The following WDR59 variants were observed in gnomAD, a reference collection of about 807,000 sequenced individuals.
The protein encoded by WDR59 is WD repeat domain 59, also known as GATOR2 complex protein WDR59.
A neutral mutation model predicts 131.2 loss-of-function variants in WDR59; 100 were observed. The ratio of observed to expected loss-of-function variants is 0.76; its 90% CI spans 0.65 to 0.90. WDR59 has a LOEUF of 0.90. Among genes scored for constraint, WDR59 ranks in the 40% least tolerant of loss-of-function variants. The pLI, the probability that WDR59 is intolerant of heterozygous loss-of-function variation, is 0.00. For synonymous variants in WDR59, 601 were observed against 466.2 expected (o/e 1.29, Z -3.72); for missense variants, 1,203 against 1,262.2 (o/e 0.95, Z 0.71).
Position 74,917,835 on chromosome 16 carries a change from G to A in WDR59, c.966+94C>T, listed in dbSNP as rs866569348. ...AAAAAAAAAAAAAAAAAAAAAAATT[G>A]TTTATCCTGTAACCTCTAATTTCCG... On this transcript the variant is annotated intron_variant, in intron 11 of 25. Coordinates refer to ENST00000262144, the MANE Select transcript of WDR59 (RefSeq NM_030581.4). 618 of 611,468 alleles carry A rather than the reference G, an allele frequency of 1.0e-3. 5 individuals are homozygous for A. The African/African-American group carries it at 0.011, about 11-fold the overall frequency. 37.9% of individuals were successfully genotyped at this position (611,468 alleles called of 1,614,324 possible). A position where few individuals can be genotyped will look rare whatever the true frequency, so the allele number is the denominator to read the frequency against.
chr16:74,899,093 G>A (rs937526108), intron 18 of WDR59, among the ~76,000 whole-genome samples: 3 of 152,186 alleles, frequency 2.0e-5, no homozygotes, highest in Non-Finnish European at 4.4e-5. Flanking sequence ...ACAGAAGAGG[G>A]GAAATGGCCA....
At chr16:74,961,998 T>C (rs894669150) in intron 2 of WDR59, among the ~76,000 whole-genome samples, 1 of 152,226 alleles carries the variant, frequency 6.6e-6, no homozygotes, top group African/African-American at 2.4e-5. Context: ...AGTTTCCATT[T>C]TCTGCATATG....
At chr16:74,953,003 C>G (rs1322531191) in intron 3 of WDR59, among the ~76,000 whole-genome samples, 1 of 152,020 alleles carries the variant, frequency 6.6e-6, no homozygotes, top group Non-Finnish European at 1.5e-5. Flanking sequence ...AGTGCCAGTC[C>G]ACCTTAACGA....
intron 2 of WDR59, among the ~76,000 whole-genome samples, chr16:74,965,167 G>A (rs982530545): frequency 2.0e-5 from 3 of 152,188 alleles, no homozygotes; most frequent in Non-Finnish European, 4.4e-5. Context: ...AGCTTCGCAA[G>A]TAGCTGGGAC....
At chr16:74,887,452 T>C (rs1964821293) in intron 23 of WDR59, among the ~76,000 whole-genome samples, 1 of 152,118 alleles carries the variant, frequency 6.6e-6, no homozygotes, top group Admixed American at 6.6e-5. Flanking sequence ...ATTGTCAGTT[T>C]CTCAAGGTTA....
chr16:74,973,697 A>ATT (rs1180211609), intron 1 of WDR59, among the ~76,000 whole-genome samples: 1 of 152,230 alleles, frequency 6.6e-6, no homozygotes, highest in Non-Finnish European at 1.5e-5. Flanking sequence ...TTCTCTTTTA[A>ATT]ATGAGAACAT....
chr16:74,975,321 A>G (rs1007319233), intron 1 of WDR59, among the ~76,000 whole-genome samples: 1 of 152,112 alleles, frequency 6.6e-6, no homozygotes, highest in East Asian at 1.9e-4. Flanking sequence ...ATATCGCGCC[A>G]CTGCACTCCA....
rs1264969228 is a variant in WDR59 at position 74,906,319 on chromosome 16, A to AAAAAAAAAAAAAC, written c.1713-2220_1713-2219insGTTTTTTTTTTTT. ...ACAGAGCAAGACTCCGTCTCAAAAAAAAAAAAACCCACAGTGAGATACTAG... is the reference window on the plus strand; with the variant it reads ...ACAGAGCAAGACTCCGTCTCAAAAAAAAAAAAAAAAAACAAAAAAACCCACAGTGAGATACTAG... On this transcript the variant is annotated intron_variant, in intron 17 of 25. Transcript: ENST00000262144. Among the ~76,000 whole-genome samples, 2 of 145,102 alleles carry AAAAAAAAAAAAAC rather than the reference A, an allele frequency of 1.4e-5. 1 individual carries two copies. The highest frequency in any genetic ancestry group is 5.0e-5 in the African/African-American group (2 of 40,130).
chr16:74,943,049 T>A (rs1056802757), intron 6 of WDR59, among the ~76,000 whole-genome samples: 11 of 151,952 alleles, frequency 7.2e-5, no homozygotes, highest in African/African-American at 2.7e-4. Flanking sequence ...GAGGAAATAA[T>A]CTCAGGGGAA....
intron 13 of WDR59, among the ~76,000 whole-genome samples, chr16:74,915,294 TG>T (rs1966311063): frequency 6.6e-6 from 1 of 152,194 alleles, no homozygotes; most frequent in African/African-American, 2.4e-5. Context: ...TAAAATGAGA[TG>T]CTGGAGCATC....
At chr16:74,905,689 A>G (rs973565484) in intron 17 of WDR59, among the ~76,000 whole-genome samples, 1 of 151,394 alleles carries the variant, frequency 6.6e-6, no homozygotes, top group African/African-American at 2.4e-5. Context: ...CTCAAAAAAT[A>G]ATAATAATAA....
At chr16:74,937,795 C>A (rs933355761) in intron 8 of WDR59, among the ~76,000 whole-genome samples, 1 of 152,180 alleles carries the variant, frequency 6.6e-6, no homozygotes, top group African/African-American at 2.4e-5. Context: ...AGCCACCATG[C>A]CCGGCCAACT....
In WDR59 at chr16:74,901,168, GGAGGCT is replaced by G. The variant is rs1483798121; in HGVS notation, c.1866+2773_1866+2778del. Among the ~76,000 whole-genome samples, 26 of 152,222 alleles carry G rather than the reference GGAGGCT, an allele frequency of 1.7e-4. 1 individual carries two copies. The highest frequency in any genetic ancestry group is 6.3e-4 in the African/African-American group (26 of 41,524). ...TCATGGCTACAATCCCAGCACTCTG[GGAGGCT>G]GAGGTGGGAGGACTGCAAGAGCCCA... is the stretch of plus-strand genomic sequence containing the variant. On this transcript the variant is annotated intron_variant, in intron 18 of 25. Coordinates refer to ENST00000262144, the MANE Select transcript of WDR59 (RefSeq NM_030581.4).
rs763664139 is a variant in WDR59, at chr16:74,912,266, C to A, written c.1321G>T (p.Ala441Ser). ...VKFPAQYPNN[A>S]APSFQFINPT... ...TTAATAAACTGGAAGGAAGGGGCGG[C>A]GTTGTTTGGGTACTGTGCAGGGAAC... Residue 441 changes from alanine (A) to serine (S), a missense_variant, in exon 14 of 26, where the codon GCC becomes TCC. Transcript: ENST00000262144. 2 of 1,614,156 alleles carry A rather than the reference C, an allele frequency of 1.2e-6. No individual in the cohort carries two copies. Among genetic ancestry groups the A allele is most frequent in the Admixed American group, 3.3e-5 (2 of 60,016 alleles).
chr16:74,961,033 A>G (rs2033540136), intron 2 of WDR59, among the ~76,000 whole-genome samples: 1 of 152,062 alleles, frequency 6.6e-6, no homozygotes, highest in Non-Finnish European at 1.5e-5. Context: ...TGCCAGGTGC[A>G]GTGGCTCACG....
chr16:74,983,722 T>A (rs955938776), intron 1 of WDR59, among the ~76,000 whole-genome samples: 31 of 151,854 alleles, frequency 2.0e-4, no homozygotes, highest in African/African-American at 6.5e-4. Context: ...ACACCTGTAA[T>A]CCCAACACTT....
chr16:74,906,863 C>A (rs190007524), intron 17 of WDR59, among the ~76,000 whole-genome samples: 26 of 152,248 alleles, frequency 1.7e-4, no homozygotes, highest in Non-Finnish European at 3.2e-4. Context: ...GGACTGGGAA[C>A]CTTTGTGGGT....
chr16:74,940,533 G>T (rs961615581), intron 7 of WDR59, among the ~76,000 whole-genome samples: 6 of 152,132 alleles, frequency 3.9e-5, no homozygotes, highest in African/African-American at 1.4e-4. Flanking sequence ...AGTCATACAT[G>T]AGTCTGGATT....
At chr16:74,910,031 G>A (rs556317101) in intron 14 of WDR59, 114 bp from the exon 15 acceptor site, 6 of 855,376 alleles carry the variant, frequency 7.0e-6, no homozygotes, top group South Asian at 6.2e-5. Flanking sequence ...GTAGTGGTAC[G>A]ATCTCGGCTC....
Sources: gnomAD v4.1 joint callset for allele counts (sites outside exome capture counted in the v4.1 genomes callset) on GRCh38, gnomAD v4.1.1 for gene constraint, MANE v1.5 for transcripts, NCBI Gene and HGNC (gene_info 2026-07-23, HGNC 2026-07-21) for gene names.